Variants in GPC5 observed in about 807,000 individuals in gnomAD.
GPC5 encodes glypican-5.
In GPC5, 47 loss-of-function variants were observed where a neutral mutation model predicts 53.9. The observed-to-expected ratio is 0.87, with a 90% CI of 0.69 to 1.11. GPC5 has a LOEUF of 1.11. Ranked by LOEUF, GPC5 falls within the 50% of genes most tolerant of loss-of-function variation. The pLI, the probability that GPC5 is intolerant of heterozygous loss-of-function variation, is 0.00. For missense variants in GPC5, 748 were observed against 713.1 expected (o/e 1.05, Z -0.56); for synonymous variants, 286 against 263.3 (o/e 1.09, Z -0.84).
intron 7 of GPC5, among the ~76,000 whole-genome samples, chr13:92,409,208 G>T (rs1483581326): frequency 1.3e-5 from 2 of 151,494 alleles, no homozygotes; most frequent in Non-Finnish European, 2.9e-5. Context: ...ATCTTTCTAG[G>T]TAAGAACGAA....
At chr13:91,931,592 C>A (rs1245228712) in intron 6 of GPC5, among the ~76,000 whole-genome samples, 1 of 152,020 alleles carries the variant, frequency 6.6e-6, no homozygotes, top group African/African-American at 2.4e-5. Flanking sequence ...AGCTTGAATT[C>A]TCAGTGGCTC....
intron 6 of GPC5, among the ~76,000 whole-genome samples, chr13:91,976,030 C>G (rs1414986251): frequency 2.6e-5 from 4 of 152,038 alleles, no homozygotes; most frequent in Non-Finnish European, 5.9e-5. Context: ...GACAAAAAAC[C>G]AAACACCGCA....
intron 7 of GPC5, among the ~76,000 whole-genome samples, chr13:92,667,507 T>C (rs1171370307): frequency 3.3e-5 from 5 of 152,144 alleles, no homozygotes; most frequent in Non-Finnish European, 5.9e-5. Context: ...TGAGAGATTT[T>C]TTCCCCTTTC....
At chr13:92,089,109 G>T (rs1005455368) in intron 6 of GPC5, among the ~76,000 whole-genome samples, 1 of 152,104 alleles carries the variant, frequency 6.6e-6, no homozygotes, top group African/African-American at 2.4e-5. Flanking sequence ...TAGAAAATGT[G>T]TATTGGCTAT....
chr13:92,406,144 C>A (rs770000926), intron 7 of GPC5, among the ~76,000 whole-genome samples: 13 of 152,202 alleles, frequency 8.5e-5, no homozygotes, highest in Non-Finnish European at 1.9e-4. Flanking sequence ...CAAATGGGAA[C>A]TAACGACTGT....
At chr13:91,785,566 C>T (rs1300854100) in intron 5 of GPC5, among the ~76,000 whole-genome samples, 1 of 152,172 alleles carries the variant, frequency 6.6e-6, no homozygotes, top group African/African-American at 2.4e-5. Flanking sequence ...TATCCAACTG[C>T]TTACTTGGCA....
At position 91,726,848 on chromosome 13, in the gene GPC5, G is replaced by A. The variant is rs993903381; in HGVS notation, c.1021-1684G>A. 1.5e-4 allele frequency among the ~76,000 whole-genome samples: 23 copies of A among 152,164 alleles called. 1 individual carries two copies. The highest frequency in any genetic ancestry group is 2.9e-4 in the Non-Finnish European group (20 of 68,036). On this transcript the variant is annotated intron_variant, in intron 3 of 7. Coordinates refer to ENST00000377067, the MANE Select transcript of GPC5 (RefSeq NM_004466.6). ...CTGCTGTGATGAGTTTTCTCATGTG[G>A]AAATCTGAAGCAGCGCTTTCCCTGC...
At chr13:92,644,393 C>T (rs960947097) in intron 7 of GPC5, among the ~76,000 whole-genome samples, 1 of 152,094 alleles carries the variant, frequency 6.6e-6, no homozygotes, top group African/African-American at 2.4e-5. Flanking sequence ...AATGACTAAA[C>T]AAATTAGAGT....
At chr13:92,470,786 G>A (rs1878879343) in intron 7 of GPC5, among the ~76,000 whole-genome samples, 1 of 152,180 alleles carries the variant, frequency 6.6e-6, no homozygotes, top group Non-Finnish European at 1.5e-5. Flanking sequence ...ATTAACGTGG[G>A]TGTAAATATT....
intron 7 of GPC5, among the ~76,000 whole-genome samples, chr13:92,231,315 G>T (rs1166490947): frequency 1.3e-5 from 2 of 152,108 alleles, no homozygotes; most frequent in East Asian, 1.9e-4. Context: ...TCTCCACAGT[G>T]CATGTTATCT....
intron 2 of GPC5, among the ~76,000 whole-genome samples, chr13:91,650,416 A>G (rs1198955625): frequency 6.6e-6 from 1 of 152,060 alleles, no homozygotes; most frequent in African/African-American, 2.4e-5. Flanking sequence ...TTTTTTTCAC[A>G]AAATATACTT....
intron 7 of GPC5, among the ~76,000 whole-genome samples, chr13:92,387,489 T>C (rs975269224): frequency 6.6e-6 from 1 of 152,128 alleles, no homozygotes; most frequent in African/African-American, 2.4e-5. Context: ...GAAGAGTGCA[T>C]ACCAGGCTGT....
chr13:92,476,298 C>T (rs1399337441), intron 7 of GPC5, among the ~76,000 whole-genome samples: 2 of 152,132 alleles, frequency 1.3e-5, no homozygotes, highest in African/African-American at 2.4e-5. Flanking sequence ...AAAAAATGCT[C>T]ATCATCACTG....
chr13:92,219,076 C>T (rs2042430980), intron 7 of GPC5, among the ~76,000 whole-genome samples: 1 of 152,098 alleles, frequency 6.6e-6, no homozygotes, highest in Non-Finnish European at 1.5e-5. Flanking sequence ...CAGTCTGTTT[C>T]TATGTGCTTT....
rs147320208 is a variant in GPC5 at position 92,675,804 on chromosome 13, G to A, written c.1562-190478G>A. 7.8e-3 allele frequency among the ~76,000 whole-genome samples: 1,180 copies of A among 152,160 alleles called. 11 individuals are homozygous for A. The highest frequency in any genetic ancestry group is 0.011 in the Non-Finnish European group (752 of 67,996). On this transcript the variant is annotated intron_variant, in intron 7 of 7. Transcript: ENST00000377067. ...GTAATATTCATATAGCAGAGCTTTG[G>A]TCTTATGCCATGAACAAGCAGGAGG...
chr13:91,496,742 C>T (rs893038530), intron 2 of GPC5, among the ~76,000 whole-genome samples: 4 of 151,868 alleles, frequency 2.6e-5, no homozygotes, highest in South Asian at 2.1e-4. Context: ...GTGACTATGG[C>T]AACAATAATT....
intron 7 of GPC5, among the ~76,000 whole-genome samples, chr13:92,345,743 C>A (rs189532168): frequency 1.3e-5 from 2 of 152,250 alleles, no homozygotes; most frequent in Non-Finnish European, 2.9e-5. Context: ...GGCATCCAAT[C>A]TTCCCTAGCA....
intron 1 of GPC5, among the ~76,000 whole-genome samples, chr13:91,441,681 T>C (rs1052924920): frequency 1.3e-5 from 2 of 152,214 alleles, no homozygotes; most frequent in African/African-American, 4.8e-5. Context: ...TTAAGTATTT[T>C]TTATTCTACA....
chr13:92,787,900 C>A, intron 7 of GPC5, among the ~76,000 whole-genome samples: 1 of 149,416 alleles, frequency 6.7e-6, no homozygotes. Flanking sequence ...AAAATACTAC[C>A]GCCAAGATGA....
Sources: gnomAD v4.1 joint callset for allele counts (sites outside exome capture counted in the v4.1 genomes callset) on GRCh38, gnomAD v4.1.1 for gene constraint, MANE v1.5 for transcripts, NCBI Gene and HGNC (gene_info 2026-07-23, HGNC 2026-07-21) for gene names.